CHD2: variants seen among roughly 807,000 people sequenced by gnomAD.
CHD2 encodes ATP-dependent chromatin remodeler CHD2.
Under a neutral mutation model 243.9 loss-of-function variants are expected in CHD2, and 28 were observed. That is an observed-to-expected ratio of 0.11 (90% CI 0.09 to 0.16). The LOEUF (loss-of-function observed/expected upper bound fraction) is 0.16, where lower values mean the gene tolerates loss of function less well. CHD2 is among the 10% of genes least tolerant of loss of function. CHD2 has a pLI of 1.00. For synonymous variants in CHD2, 775 were observed against 779.0 expected (o/e 0.99, Z 0.09); for missense variants, 1,386 against 2,209.8 (o/e 0.63, Z 7.47).
intron 33 of CHD2, among the ~76,000 whole-genome samples, chr15:93,002,660 CA>C (rs1567160132): frequency 6.6e-6 from 1 of 152,300 alleles, no homozygotes; most frequent in East Asian, 1.9e-4. Flanking sequence ...GCACAATCCA[CA>C]ACTGAATTTG....
chr15:92,973,069 C>T (rs117771466), intron 19 of CHD2, among the ~76,000 whole-genome samples: 2 of 152,246 alleles, frequency 1.3e-5, no homozygotes, highest in East Asian at 1.9e-4. Context: ...AGTGTGAGCT[C>T]AATTCCAGGA....
rs748387802 is a variant in CHD2, at chr15:92,984,376, G to A, written c.3113G>A (p.Arg1038His). The change falls in exon 25 of 39, where the codon CGT (arginine) becomes CAT (histidine). Residue 1038 changes from arginine to histidine, a missense_variant. Coordinates refer to ENST00000394196, the MANE Select transcript of CHD2 (RefSeq NM_001271.4). Reference sequence around the variant, plus strand: ...GAAGATGAAGAAGAGCTAGAAGAGCGTCCTCACAAGGACTGGGATGAGATC... The same window carrying A: ...GAAGATGAAGAAGAGCTAGAAGAGCATCCTCACAAGGACTGGGATGAGATC... ...TMEDEEELEE[R>H]PHKDWDEIIP... 11 of 1,604,670 alleles carry A rather than the reference G, an allele frequency of 6.9e-6. No individual in the cohort carries two copies. Among genetic ancestry groups the A allele is most frequent in the Admixed American group, 5.1e-5 (3 of 58,826 alleles).
chr15:92,985,798 A>G, intron 26 of CHD2, 125 bp downstream of exon 26: 1 of 900,284 alleles, frequency 1.1e-6, no homozygotes, highest in Non-Finnish European at 1.6e-6. Flanking sequence ...AGGAAAGAGA[A>G]GCTGGGTCCT....
At chr15:92,917,122 T>C (rs1035864925) in intron 2 of CHD2, among the ~76,000 whole-genome samples, 1 of 152,216 alleles carries the variant, frequency 6.6e-6, no homozygotes, top group African/African-American at 2.4e-5. Context: ...TATGTGTACA[T>C]TGAAATTTTG....
chr15:92,916,367 A>T (rs1209443100), intron 2 of CHD2, among the ~76,000 whole-genome samples: 2 of 152,210 alleles, frequency 1.3e-5, no homozygotes, highest in African/African-American at 4.8e-5. Context: ...TTCAGCCCTA[A>T]TCTAGCTGCT....
intron 7 of CHD2, among the ~76,000 whole-genome samples, chr15:92,940,601 A>G (rs967166891): frequency 7.3e-5 from 11 of 151,568 alleles, no homozygotes; most frequent in African/African-American, 1.7e-4. Context: ...AACTTATTCA[A>G]TGTATCCAGT....
intron 2 of CHD2, 53 bp downstream of exon 2, chr15:92,901,352 T>G (rs2052526585): frequency 9.4e-7 from 1 of 1,061,090 alleles, no homozygotes; most frequent in Non-Finnish European, 1.4e-6. Flanking sequence ...GGGAGAAACC[T>G]CAGCTTACAA....
At chr15:92,949,488 G>A (rs1279267482) in intron 13 of CHD2, among the ~76,000 whole-genome samples, 3 of 152,080 alleles carry the variant, frequency 2.0e-5, no homozygotes, top group Non-Finnish European at 4.4e-5. Flanking sequence ...ATTTCCTACA[G>A]TAGTGCTGTA....
At chr15:92,904,341 C>T (rs1158857457) in intron 2 of CHD2, 2 of 631,992 alleles carry the variant, frequency 3.2e-6, no homozygotes, top group Non-Finnish European at 3.9e-6. Flanking sequence ...CGCCTGGTAA[C>T]AGCAGGGTCA....
intron 17 of CHD2, among the ~76,000 whole-genome samples, chr15:92,969,812 CTTTTTTTT>C (rs11297975): frequency 7.5e-6 from 1 of 132,602 alleles, no homozygotes; most frequent in African/African-American, 2.8e-5. Context: ...TTAAGATTTT[CTTTTTTTT>C]TTTTTTTTTG....
intron 2 of CHD2, among the ~76,000 whole-genome samples, chr15:92,922,748 C>T (rs1378193138): frequency 1.3e-5 from 2 of 152,202 alleles, no homozygotes; most frequent in Admixed American, 6.5e-5. Context: ...AGTAAACAGT[C>T]CACCTCTTGC....
intron 20 of CHD2, among the ~76,000 whole-genome samples, chr15:92,975,268 A>G (rs1052322606): frequency 9.9e-5 from 15 of 152,190 alleles, no homozygotes; most frequent in Non-Finnish European, 2.9e-5. Flanking sequence ...TTAATATAAG[A>G]AGGTTCTGAT....
At chr15:92,999,301 CTGT>C (rs1205669079) in intron 31 of CHD2, among the ~76,000 whole-genome samples, 1 of 152,024 alleles carries the variant, frequency 6.6e-6, no homozygotes, top group Non-Finnish European at 1.5e-5. Context: ...GTGGGTTTGC[CTGT>C]TGTTCTGTCT....
At chr15:92,945,170 A>G (rs2053441852) in intron 10 of CHD2, 1 of 152,444 alleles carries the variant, frequency 6.6e-6, no homozygotes, top group Admixed American at 6.5e-5. Flanking sequence ...CTGTCAGTCA[A>G]GGACGATTAG....
chr15:92,940,837 TA>T (rs1426808227), intron 7 of CHD2, among the ~76,000 whole-genome samples: 9 of 136,632 alleles, frequency 6.6e-5, no homozygotes, highest in South Asian at 4.6e-4. Context: ...TATAAATATA[TA>T]AAAATATATA....
intron 27 of CHD2, 61 bp downstream of exon 27, chr15:92,991,578 CT>C: frequency 1.6e-6 from 2 of 1,237,252 alleles, no homozygotes; most frequent in Non-Finnish European, 2.3e-6. Flanking sequence ...ATAGTACGTT[CT>C]TTTTTGGTAA....
At chr15:93,002,089 C>A in intron 32 of CHD2, 88 bp from the exon 33 acceptor site, 1 of 1,499,536 alleles carries the variant, frequency 6.7e-7, no homozygotes, top group Non-Finnish European at 8.8e-7. Context: ...AGTGATGAAC[C>A]ACTGGGGGCA....
At chr15:92,937,253 C>T (rs1374231744) in intron 5 of CHD2, among the ~76,000 whole-genome samples, 1 of 147,008 alleles carries the variant, frequency 6.8e-6, no homozygotes, top group Non-Finnish European at 1.5e-5. Context: ...TGGTTTCAAT[C>T]TTGTCAATAA....
intron 26 of CHD2, among the ~76,000 whole-genome samples, chr15:92,986,944 C>T (rs2054051327): frequency 6.6e-6 from 1 of 151,904 alleles, no homozygotes; most frequent in African/African-American, 2.4e-5. Context: ...ATTATGTTGC[C>T]CAGGCTGGTC....
Sources: gnomAD v4.1 joint callset for allele counts (sites outside exome capture counted in the v4.1 genomes callset) on GRCh38, gnomAD v4.1.1 for gene constraint, MANE v1.5 for transcripts, NCBI Gene and HGNC (gene_info 2026-07-23, HGNC 2026-07-21) for gene names.